SYTL3: variants seen among roughly 807,000 people sequenced by gnomAD.
SYTL3 encodes synaptotagmin-like protein 3.
SYTL3 carries 88 observed loss-of-function variants against 82.1 expected under a neutral mutation model. The observed-to-expected ratio is 1.07, with a 90% CI of 0.90 to 1.28. The LOEUF (loss-of-function observed/expected upper bound fraction) is 1.28. Ranked by LOEUF, SYTL3 falls within the 50% of genes most tolerant of loss-of-function variation. SYTL3 has a pLI of 0.00. For missense variants in SYTL3, 831 were observed against 757.6 expected (o/e 1.10, Z -1.14); for synonymous variants, 311 against 289.4 (o/e 1.07, Z -0.76).
chr6:158,656,497 G>A (rs926646171), intron 2 of SYTL3, among the ~76,000 whole-genome samples: 5 of 152,074 alleles, frequency 3.3e-5, no homozygotes, highest in East Asian at 1.9e-4. Flanking sequence ...AGGCTGAGGC[G>A]GGCAGATCAC....
rs1781541311 is a variant in SYTL3 at position 158,703,262 on chromosome 6, A to G, written c.395-3968A>G. Among the ~76,000 whole-genome samples, 3 of 151,216 alleles carry G rather than the reference A, an allele frequency of 2.0e-5. No individual in the cohort carries two copies. The South Asian group carries it at 6.3e-4, about 32-fold the overall frequency. On this transcript the variant is annotated intron_variant, in intron 6 of 17. Coordinates refer to ENST00000611299, the MANE Select transcript of SYTL3 (RefSeq NM_001242394.2). Reference sequence around the variant, plus strand: ...TGCCTGGCAGACACGGCTGCCAACCAGCCATGTGCCTGAGACAAGCCCTGG... The same window carrying G: ...TGCCTGGCAGACACGGCTGCCAACCGGCCATGTGCCTGAGACAAGCCCTGG...
intron 4 of SYTL3, among the ~76,000 whole-genome samples, chr6:158,664,442 T>C (rs893421901): frequency 1.3e-5 from 2 of 151,326 alleles, no homozygotes; most frequent in African/African-American, 4.9e-5. Flanking sequence ...ACTCAGGAGG[T>C]TGAGACAGGA....
intron 1 of SYTL3, among the ~76,000 whole-genome samples, chr6:158,650,401 C>A (rs1002291904): frequency 2.0e-5 from 3 of 151,694 alleles, no homozygotes; most frequent in Admixed American, 1.3e-4. Flanking sequence ...CATTTGCTTT[C>A]TTCTTTGGTT....
intron 12 of SYTL3, 49 bp downstream of exon 12, chr6:158,745,707 G>A (rs182074552): frequency 2.1e-5 from 29 of 1,350,816 alleles, no homozygotes; most frequent in African/African-American, 1.5e-4. Context: ...ATTCCAAAAT[G>A]TATATGAAAA....
intron 11 of SYTL3, among the ~76,000 whole-genome samples, chr6:158,734,690 C>G (rs552341659): frequency 6.6e-6 from 1 of 152,124 alleles, no homozygotes; most frequent in Non-Finnish European, 1.5e-5. Flanking sequence ...CTCACCACCC[C>G]GACATGCTAT....
chr6:158,743,625 T>G (rs1418071318), intron 11 of SYTL3, among the ~76,000 whole-genome samples: 3 of 137,918 alleles, frequency 2.2e-5, no homozygotes, highest in South Asian at 2.3e-4. Flanking sequence ...TTTTTTTTTT[T>G]GGTAGAGATG....
In SYTL3 at chr6:158,655,940, G is replaced by C. The variant is rs575737650; in HGVS notation, c.-637+4098G>C. Among the ~76,000 whole-genome samples the C allele has an allele frequency of 5.9e-5, 9 of 152,328 alleles. 1 individual carries two copies. In the South Asian group the frequency reaches 1.5e-3, roughly 25 times the overall value. On this transcript the variant is annotated intron_variant, in intron 2 of 17. Transcript: ENST00000611299. The stretch of plus-strand genomic sequence containing the variant: ...GAAGGAAGAGTGGGGCCGATGCGTG[G>C]AAATGCAGAGCGCATGTGGTCAGGG...
At chr6:158,649,782 T>G (rs1787771008), upstream of SYTL3, among the ~76,000 whole-genome samples, 1 of 152,240 alleles carries the variant, frequency 6.6e-6, no homozygotes, top group Admixed American at 6.5e-5. Context: ...GTAGGGAGTT[T>G]CCTTAGGAAG....
intron 6 of SYTL3, among the ~76,000 whole-genome samples, chr6:158,693,696 G>T (rs1271086682): frequency 8.2e-6 from 1 of 122,004 alleles, no homozygotes; most frequent in African/African-American, 5.2e-5. Flanking sequence ...CTTTCTTTTC[G>T]TTTTCTTTCT....
rs372238021 is a variant in SYTL3 at position 158,757,276 on chromosome 6, G to A, written c.1203G>A (p.Thr401=). The change falls in exon 14 of 18, where the codon ACG becomes ACA. Residue 401 remains threonine, a synonymous_variant. Coordinates refer to ENST00000611299, the MANE Select transcript of SYTL3 (RefSeq NM_001242394.2). The part of the protein sequence containing the change: ...QLQVSVWHLG[T]LARRVFLGEV... ...AGGTCTCGGTGTGGCATCTGGGCAC[G>A]CTGGCCCGGAGAGTGTTTCTTGGAG... The A allele has an allele frequency of 1.4e-5, 22 of 1,613,278 alleles. No individual in the cohort carries two copies. Among genetic ancestry groups the A allele is most frequent in the Non-Finnish European group, 1.7e-5 (20 of 1,179,952 alleles).
At chr6:158,718,737 C>G (rs1350729478) in intron 10 of SYTL3, among the ~76,000 whole-genome samples, 3 of 152,260 alleles carry the variant, frequency 2.0e-5, no homozygotes, top group Non-Finnish European at 4.4e-5. Context: ...CCCACCAGGA[C>G]TAACCCAGCC....
rs778424849 is a variant in SYTL3, at chr6:158,763,365, G to T, written c.1579G>T (p.Ala527Ser). ...RLKSPVLRKQACPQWKHSFVF... is the reference protein window; with the variant it reads ...RLKSPVLRKQSCPQWKHSFVF... ...GAAGTCGCCAGTCCTGAGGAAGCAG[G>T]CTTGCCCCCAGTGGAAACACTCATT... is the stretch of plus-strand genomic sequence containing the variant. The change falls in exon 17 of 18, where the codon GCT (alanine) becomes TCT (serine). Residue 527 changes from alanine (A) to serine (S), a missense_variant. Transcript: ENST00000611299. The T allele has an allele frequency of 6.2e-7, 1 of 1,614,254 alleles. No individual in the cohort carries two copies. Among genetic ancestry groups the T allele is most frequent in the Non-Finnish European group, 8.5e-7 (1 of 1,180,056 alleles).
chr6:158,683,664 G>A (rs575100636), intron 6 of SYTL3, among the ~76,000 whole-genome samples: 9 of 152,338 alleles, frequency 5.9e-5, no homozygotes, highest in Middle Eastern at 3.4e-3. Flanking sequence ...TTATATTGTA[G>A]CATTGTTTGT....
At chr6:158,668,801 G>A (rs1777035962) in intron 5 of SYTL3, among the ~76,000 whole-genome samples, 1 of 152,174 alleles carries the variant, frequency 6.6e-6, no homozygotes. Flanking sequence ...GGGGATAAAA[G>A]AGAAAGGTGA....
At chr6:158,721,081 C>CAGTGGGGAGAG (rs1166325664) in intron 10 of SYTL3, among the ~76,000 whole-genome samples, 14 of 152,146 alleles carry the variant, frequency 9.2e-5, no homozygotes, top group African/African-American at 3.4e-4. Context: ...GGTGGGGAGA[C>CAGTGGGGAGAG]AGTGGGGAGA....
intron 13 of SYTL3, among the ~76,000 whole-genome samples, chr6:158,756,667 G>A (rs550306553): frequency 1.4e-5 from 2 of 146,846 alleles, no homozygotes; most frequent in South Asian, 2.1e-4. Flanking sequence ...AGCCAAGATC[G>A]TGCCACTGCA....
In SYTL3 at chr6:158,693,844, C is replaced by CTTTTACTTTTTTTTTTTTTTTTTT. The variant is rs763990639; in HGVS notation, c.394+10859_394+10860insACTTTTTTTTTTTTTTTTTTTTTT. On this transcript the variant is annotated intron_variant, in intron 6 of 17. Coordinates refer to ENST00000611299, the MANE Select transcript of SYTL3 (RefSeq NM_001242394.2). ...AGGTGTGCCACTGCATCCAGCCTTT[C>CTTTTACTTTTTTTTTTTTTTTTTT]TTTTTCTTTTCTTTTTTTTTTTTTT... Among the ~76,000 whole-genome samples the CTTTTACTTTTTTTTTTTTTTTTTT allele has an allele frequency of 1.2e-3, 67 of 55,604 alleles. 2 individuals are homozygous for CTTTTACTTTTTTTTTTTTTTTTTT. The highest frequency in any genetic ancestry group is 1.7e-3 in the Non-Finnish European group (49 of 29,516). 36.5% of individuals were successfully genotyped at this position (55,604 alleles called of 152,430 possible).
chr6:158,645,919 G>A (rs1787417831), upstream of SYTL3, among the ~76,000 whole-genome samples: 1 of 152,100 alleles, frequency 6.6e-6, no homozygotes, highest in Non-Finnish European at 1.5e-5. Context: ...ATCTAAGGTA[G>A]CCGACCTCCT....
chr6:158,718,106 T>C lies in SYTL3; in HGVS notation c.615T>C (p.Asn205=), dbSNP rs1169456698. 1 of 1,543,108 alleles carries C rather than the reference T, an allele frequency of 6.5e-7. No individual in the cohort carries two copies. Among genetic ancestry groups the C allele is most frequent in the Non-Finnish European group, 8.7e-7 (1 of 1,143,738 alleles). ...TTTTAGAGCTCTCCAAATCCCAGAA[T>C]GATATGACTTCTGAGAAGCATCTTC... ...THVKKLSKSQ[N]DMTSEKHLLA... Residue 205 remains asparagine, a synonymous_variant, in exon 10 of 18, where the codon AAT becomes AAC. Coordinates refer to ENST00000611299, the MANE Select transcript of SYTL3 (RefSeq NM_001242394.2).
Sources: gnomAD v4.1 joint callset for allele counts (sites outside exome capture counted in the v4.1 genomes callset) on GRCh38, gnomAD v4.1.1 for gene constraint, MANE v1.5 for transcripts, NCBI Gene and HGNC (gene_info 2026-07-23, HGNC 2026-07-21) for gene names.